The following WBP2 variants were observed in gnomAD, a reference collection of about 807,000 sequenced individuals.
WBP2 encodes the protein WW domain binding protein 2, also known as WW domain-binding protein 2.
A neutral mutation model predicts 33.0 loss-of-function variants in WBP2; 23 were observed. The observed-to-expected ratio is 0.70, with a 90% CI of 0.50 to 0.99. The LOEUF (loss-of-function observed/expected upper bound fraction) is 0.99, where lower values mean the gene tolerates loss of function less well. Among genes scored for constraint, WBP2 ranks in the 50% least tolerant of loss-of-function variants. WBP2 has a pLI of 0.00. For synonymous variants in WBP2, 153 were observed against 133.5 expected (o/e 1.15, Z -1.01); for missense variants, 353 against 358.0 (o/e 0.99, Z 0.11).
In WBP2 at chr17:75,846,188, C is replaced by A; in HGVS notation, c.*546G>T. ...CAAAAGTCACACAGGGTGGCAACAA[C>A]ATGACCCAGGACAGGGAAGGGAAGG... On this transcript the variant is annotated 3_prime_UTR_variant, in exon 8 of 8. Transcript: ENST00000254806. This position sits in a 1 kb window ranked among gnomAD's most constrained non-coding sequence, Gnocchi z 4.8. The A allele has an allele frequency of 6.4e-6, 1 of 155,504 alleles. No homozygotes were observed. The highest frequency in any genetic ancestry group is 1.4e-5 in the Non-Finnish European group (1 of 69,672). 9.6% of individuals were successfully genotyped at this position (155,504 alleles called of 1,614,324 possible). A position where few individuals can be genotyped will look rare whatever the true frequency, so the allele number is the denominator to read the frequency against.
At chr17:75,855,486 A>G (rs1336978841), upstream of WBP2, 5 of 617,536 alleles carry the variant, frequency 8.1e-6, no homozygotes, top group East Asian at 2.8e-5. Flanking sequence ...CCTGCGCAAC[A>G]AACAAGATGA....
rs149635149 is a variant in WBP2 at position 75,847,545 on chromosome 17, G to A, written c.597C>T (p.Pro199=). Residue 199 remains proline (P), a synonymous_variant, in exon 6 of 8, where the codon CCC becomes CCT. Transcript: ENST00000254806. The part of the protein sequence containing the change: ...AMGYVQPPPP[P]YPGPMEPPVS... The stretch of plus-strand genomic sequence containing the variant: ...CCGGAGGTTCCATGGGCCCAGGGTA[G>A]GGCGGTGGTGGGGGCTGCACGTATC... 331 of 1,601,146 alleles carry A rather than the reference G, an allele frequency of 2.1e-4. 2 individuals are homozygous for A. In the African/African-American group the frequency reaches 4.1e-3, roughly 20 times the overall value.
chr17:75,847,521 C>CGGA lies in WBP2; in HGVS notation c.618_620dup (p.Pro207dup). 1 of 1,592,364 alleles carries CGGA rather than the reference C, an allele frequency of 6.3e-7. No individual in the cohort carries two copies. The highest frequency in any genetic ancestry group is 8.6e-7 in the Non-Finnish European group (1 of 1,169,008). Reference sequence around the variant, plus strand: ...TGGAGGGGACATCGGGGCCGCTGACCGGAGGTTCCATGGGCCCAGGGTAGG... The same window carrying CGGA: ...TGGAGGGGACATCGGGGCCGCTGACCGGAGGAGGTTCCATGGGCCCAGGGTAGG... On this transcript the variant is annotated inframe_insertion, in exon 6 of 8. Coordinates refer to ENST00000254806, the MANE Select transcript of WBP2 (RefSeq NM_012478.4).
intron 4 of WBP2, 67 bp downstream of exon 4, chr17:75,848,503 G>A: frequency 2.7e-6 from 4 of 1,480,016 alleles, no homozygotes; most frequent in Non-Finnish European, 3.7e-6. Context: ...CGAAAAGGAA[G>A]CAAACTCATA....
At chr17:75,847,076 T>G in intron 6 of WBP2, 92 bp from the exon 7 acceptor site, 1 of 1,432,712 alleles carries the variant, frequency 7.0e-7, no homozygotes, top group East Asian at 2.3e-5. Context: ...TCGGGGCAGC[T>G]GGTGCTGGGG....
At position 75,855,258 on chromosome 17, in the gene WBP2, T is replaced by A; in HGVS notation, c.40A>T (p.Ile14Phe). 6.2e-7 allele frequency: 1 copy of A among 1,610,470 alleles called. No individual in the cohort carries two copies. The highest frequency in any genetic ancestry group is 8.5e-7 in the Non-Finnish European group (1 of 1,179,280). ...TTTCACCTCTCGGTGTTATTGACGA[T>A]CACTCCGCCGCCCTCCGAGTGATTC... ...NKNHSEGGGV[I>F]VNNTESILMS... The change falls in exon 1 of 8, where the codon ATC (isoleucine) becomes TTC (phenylalanine). Residue 14 changes from isoleucine to phenylalanine, a missense_variant. Ile to Phe is a conservative substitution (Grantham distance 21). Coordinates refer to ENST00000254806, the MANE Select transcript of WBP2 (RefSeq NM_012478.4).
In WBP2 at chr17:75,846,996, A is replaced by G. The variant is rs1450867094; in HGVS notation, c.656-12T>C. On this transcript the variant is annotated splice_polypyrimidine_tract_variant and intron_variant, in intron 6 of 7. Transcript: ENST00000254806. The surrounding 1 kb of genome is among the most constrained non-coding windows in gnomAD (Gnocchi z 4.8). ...GGCCTTGGCTTCGGCTGTGAGAGCAAACACACCTGGTGTCGGTGACAAGTT... is the reference window on the plus strand; with the variant it reads ...GGCCTTGGCTTCGGCTGTGAGAGCAGACACACCTGGTGTCGGTGACAAGTT... The G allele has an allele frequency of 6.2e-7, 1 of 1,613,762 alleles. No individual in the cohort carries two copies. The highest frequency in any genetic ancestry group is 1.1e-5 in the South Asian group (1 of 91,060).
At chr17:75,848,935 G>A (rs1599422074) in intron 3 of WBP2, 1 of 513,186 alleles carries the variant, frequency 1.9e-6, no homozygotes, top group Non-Finnish European at 3.5e-6. Context: ...CCCACCCTTG[G>A]CCCAATATGT....
rs141393075 is a variant in WBP2, at chr17:75,847,181, C to T, written c.656-197G>A. On this transcript the variant is annotated intron_variant, in intron 6 of 7. Coordinates refer to ENST00000254806, the MANE Select transcript of WBP2 (RefSeq NM_012478.4). ...TCCAGGCCCATCGCATGTCTCACCT[C>T]ATCTAATCCTTGAGCCAATGCCCCA... 5.7e-4 allele frequency: 391 copies of T among 687,146 alleles called. 3 individuals carry two copies. The African/African-American group carries it at 6.5e-3, about 11-fold the overall frequency. 42.6% of individuals were successfully genotyped at this position (687,146 alleles called of 1,614,324 possible).
At chr17:75,847,632 G>A (rs775427736) in intron 5 of WBP2, 23 bp from the exon 6 acceptor site, 17 of 1,612,746 alleles carry the variant, frequency 1.1e-5, no homozygotes, top group Admixed American at 1.7e-5. Flanking sequence ...AGAGTAACAA[G>A]GACATGGTGA....
At chr17:75,854,044 A>G (rs1290603464) in intron 1 of WBP2, among the ~76,000 whole-genome samples, 2 of 62,356 alleles carry the variant, frequency 3.2e-5, no homozygotes, top group Non-Finnish European at 2.9e-5. Context: ...GCCTCCATCT[A>G]AAAAAAAAAA....
chr17:75,846,860 C>T lies in WBP2; in HGVS notation c.732+48G>A, dbSNP rs1035649516. The T allele has an allele frequency of 2.5e-6, 4 of 1,613,274 alleles. No homozygotes were observed. Among genetic ancestry groups the T allele is most frequent in the African/African-American group, 1.3e-5 (1 of 74,910 alleles). On this transcript the variant is annotated intron_variant, in intron 7 of 7. Transcript: ENST00000254806. The surrounding 1 kb of genome is among the most constrained non-coding windows in gnomAD (Gnocchi z 4.8). The stretch of plus-strand genomic sequence containing the variant: ...GGTGCGGTCATCCCCCTGCGGCTCC[C>T]AGCATCTGCGGCTGTGGGGCTGCAC...
intron 6 of WBP2, 159 bp downstream of exon 6, chr17:75,847,328 G>A (rs531108720): frequency 2.1e-5 from 26 of 1,221,414 alleles, no homozygotes; most frequent in South Asian, 5.3e-5. Flanking sequence ...ATCTAGCTCC[G>A]CTCCACCAGG....
intron 2 of WBP2, 36 bp from the exon 3 acceptor site, chr17:75,849,775 A>C: frequency 6.2e-7 from 1 of 1,609,276 alleles, no homozygotes; most frequent in Non-Finnish European, 8.5e-7. Context: ...CAGTACTAGA[A>C]GCACAGCCCA....
chr17:75,849,374 G>C, intron 3 of WBP2: 1 of 525,438 alleles, frequency 1.9e-6, no homozygotes, highest in Non-Finnish European at 3.4e-6. Flanking sequence ...CAGTCCGCAG[G>C]CTTCTGCAGA....
At chr17:75,850,567 G>A (rs2065022441) in intron 2 of WBP2, among the ~76,000 whole-genome samples, 1 of 151,984 alleles carries the variant, frequency 6.6e-6, no homozygotes, top group African/African-American at 2.4e-5. Context: ...TTAAACCCAC[G>A]ACTTTTATCT....
upstream of WBP2, among the ~76,000 whole-genome samples, chr17:75,855,872 G>T (rs939480316): frequency 3.9e-5 from 6 of 152,250 alleles, no homozygotes; most frequent in African/African-American, 1.4e-4. Flanking sequence ...CGGAGGCCCC[G>T]GCTCTTGGGG....
rs2064995091 is a variant in WBP2, at chr17:75,846,810, A to G, written c.733-23T>C. ...GCTCTAAAGAAGGGAGAAAGGAGAG[A>G]CTTGCATTAGAAGGTTTAAAACATG... On this transcript the variant is annotated intron_variant, in intron 7 of 7. Transcript: ENST00000254806. The surrounding 1 kb of genome is among the most constrained non-coding windows in gnomAD (Gnocchi z 4.8). 1 of 1,587,482 alleles carries G rather than the reference A, an allele frequency of 6.3e-7. No homozygotes were observed. The highest frequency in any genetic ancestry group is 1.3e-5 in the African/African-American group (1 of 74,202).
chr17:75,848,923 C>A (rs2065012044), intron 3 of WBP2: 1 of 534,908 alleles, frequency 1.9e-6, no homozygotes, highest in East Asian at 3.2e-5. Context: ...CAAGCCTGTC[C>A]TCCCACCCTT....
Sources: allele counts gnomAD v4.1 joint callset (sites outside exome capture counted in the v4.1 genomes callset), GRCh38; gene constraint gnomAD v4.1.1; non-coding constraint Gnocchi (gnomAD v3.1); transcripts MANE v1.5; gene names NCBI Gene and HGNC (gene_info 2026-07-23, HGNC 2026-07-21).